COL23A1: variants seen among roughly 807,000 people sequenced by gnomAD.
COL23A1 encodes the protein collagen alpha-1(XXIII) chain.
A neutral mutation model predicts 99.3 loss-of-function variants in COL23A1; 97 were observed. The ratio of observed to expected loss-of-function variants is 0.98; its 90% CI spans 0.83 to 1.16. The LOEUF is 1.16. Ranked by LOEUF, COL23A1 falls within the 50% of genes most tolerant of loss-of-function variation. The pLI is 0.00. For synonymous variants in COL23A1, 320 were observed against 308.2 expected (o/e 1.04, Z -0.40); for missense variants, 762 against 757.4 (o/e 1.01, Z -0.07).
At chr5:178,514,364 T>C (rs561579186) in intron 2 of COL23A1, among the ~76,000 whole-genome samples, 1 of 152,356 alleles carries the variant, frequency 6.6e-6, no homozygotes, top group South Asian at 2.1e-4. Context: ...TGATTAGGGC[T>C]GCTGTGAACA....
intron 2 of COL23A1, among the ~76,000 whole-genome samples, chr5:178,324,929 C>T (rs539759828): frequency 8.5e-5 from 13 of 152,286 alleles, no homozygotes; most frequent in African/African-American, 2.2e-4. Flanking sequence ...GCAGCAAAGC[C>T]GAGCTTCTAC....
chr5:178,415,757 C>T lies in COL23A1; in HGVS notation c.362-108838G>A, dbSNP rs1379313952. On this transcript the variant is annotated intron_variant, in intron 2 of 28. Coordinates refer to ENST00000390654, the MANE Select transcript of COL23A1 (RefSeq NM_173465.4). This position sits in a 1 kb window ranked among gnomAD's most constrained non-coding sequence, Gnocchi z 4.6. The stretch of plus-strand genomic sequence containing the variant: ...CAGAAGAGTGAGCACGAGGTTCTTG[C>T]CCACAGAGAGCTCCCAGCCTAGCGG... Among the ~76,000 whole-genome samples, 1 of 152,166 alleles carries T rather than the reference C, an allele frequency of 6.6e-6. No individual in the cohort carries two copies. Among genetic ancestry groups the T allele is most frequent in the Non-Finnish European group, 1.5e-5 (1 of 68,022 alleles).
chr5:178,491,120 A>T (rs1757912232), intron 2 of COL23A1, among the ~76,000 whole-genome samples: 1 of 151,372 alleles, frequency 6.6e-6, no homozygotes, highest in South Asian at 2.1e-4. Flanking sequence ...GAGAGGAGAC[A>T]CGGAGGAGAG....
At chr5:178,397,442 T>A (rs902320726) in intron 2 of COL23A1, among the ~76,000 whole-genome samples, 1 of 152,158 alleles carries the variant, frequency 6.6e-6, no homozygotes, top group Non-Finnish European at 1.5e-5. Flanking sequence ...ATTCAGTAAC[T>A]GAGGCTTAAC....
At chr5:178,552,574 T>G (rs1466945320) in intron 2 of COL23A1, among the ~76,000 whole-genome samples, 1 of 152,054 alleles carries the variant, frequency 6.6e-6, no homozygotes, top group Non-Finnish European at 1.5e-5. Context: ...TTTCTTGCAT[T>G]GAAATCCTAT....
At chr5:178,413,496 ATTTAT>A (rs1243883515) in intron 2 of COL23A1, among the ~76,000 whole-genome samples, 2 of 152,212 alleles carry the variant, frequency 1.3e-5, no homozygotes, top group African/African-American at 4.8e-5. Context: ...ATTCTTTCCC[ATTTAT>A]TCTACTTCAG....
chr5:178,335,640 T>A (rs56366317), intron 2 of COL23A1, among the ~76,000 whole-genome samples: 3,837 of 152,300 alleles, frequency 0.025, 49 homozygotes, highest in South Asian at 0.051. Flanking sequence ...GCAGTTTCAG[T>A]ATCTCCCTAT....
rs747624286 is a variant in COL23A1 at position 178,394,271 on chromosome 5, C to CA, written c.362-87353dup. ...CAGGTTTAACCCATGCCCTGATGCT[C>CA]AGTCAGCCCAGAGGCTGGCACAGAA... On this transcript the variant is annotated intron_variant, in intron 2 of 28. Coordinates refer to ENST00000390654, the MANE Select transcript of COL23A1 (RefSeq NM_173465.4). 4.2e-4 allele frequency among the ~76,000 whole-genome samples: 64 copies of CA among 152,324 alleles called. 1 individual carries two copies. Among genetic ancestry groups the CA allele is most frequent in the Non-Finnish European group, 7.5e-4 (51 of 68,026 alleles).
intron 2 of COL23A1, among the ~76,000 whole-genome samples, chr5:178,491,828 G>A (rs183700278): frequency 1.2e-3 from 189 of 152,160 alleles, no homozygotes; most frequent in African/African-American, 4.4e-3. Flanking sequence ...TCCGCCTCCC[G>A]GGTTCAAGCA....
chr5:178,367,615 G>C (rs1762560008), intron 2 of COL23A1, among the ~76,000 whole-genome samples: 1 of 152,182 alleles, frequency 6.6e-6, no homozygotes, highest in South Asian at 2.1e-4. Context: ...GGCTGGGGGC[G>C]GGGTCAAACC....
chr5:178,584,739 G>A (rs1581685298), intron 1 of COL23A1, among the ~76,000 whole-genome samples: 1 of 152,268 alleles, frequency 6.6e-6, no homozygotes, highest in Non-Finnish European at 1.5e-5. Flanking sequence ...GGAAAGGCAG[G>A]ATAGTAGGGG....
At chr5:178,569,311 A>G (rs1762976960) in intron 1 of COL23A1, among the ~76,000 whole-genome samples, 1 of 152,190 alleles carries the variant, frequency 6.6e-6, no homozygotes, top group Non-Finnish European at 1.5e-5. Context: ...CTAATCAGAT[A>G]TAGGATTTGT....
chr5:178,370,758 G>C (rs1762756626), intron 2 of COL23A1, among the ~76,000 whole-genome samples: 1 of 152,016 alleles, frequency 6.6e-6, no homozygotes, highest in African/African-American at 2.4e-5. Flanking sequence ...TTGCTTAAAA[G>C]GAAAAAAATA....
At position 178,469,362 on chromosome 5, in the gene COL23A1, A is replaced by C. The variant is rs1353984776; in HGVS notation, c.361+91320T>G. Among the ~76,000 whole-genome samples the C allele has an allele frequency of 2.6e-5, 4 of 152,022 alleles. No homozygotes were observed. The East Asian group carries it at 7.7e-4, about 29-fold the overall frequency. On this transcript the variant is annotated intron_variant, in intron 2 of 28. Coordinates refer to ENST00000390654, the MANE Select transcript of COL23A1 (RefSeq NM_173465.4). ...GGCTCCTGCGGCTCCTCTCCCGTCC[A>C]TCCCTCCCTGGTCCCAGCCTGGCCT...
rs953165139 is a variant in COL23A1 at position 178,428,923 on chromosome 5, G to A, written c.362-122004C>T. ...TTGTTTCCAAGCCAGCTCCCTACCCGCACACAGACAGGCAGGCCCTCCGTG... is the reference window on the plus strand; with the variant it reads ...TTGTTTCCAAGCCAGCTCCCTACCCACACACAGACAGGCAGGCCCTCCGTG... On this transcript the variant is annotated intron_variant, in intron 2 of 28. Transcript: ENST00000390654. The surrounding 1 kb of genome is among the most constrained non-coding windows in gnomAD (Gnocchi z 5.0). Among the ~76,000 whole-genome samples the A allele has an allele frequency of 7.9e-5, 12 of 151,270 alleles. No homozygotes were observed. The highest frequency in any genetic ancestry group is 2.0e-4 in the Admixed American group (3 of 15,256).
chr5:178,255,437 C>T lies in COL23A1; in HGVS notation c.883-411G>A, dbSNP rs568095217. ...GCCTCCATTTCCCAGCCTCTGGGAGCGGCTGCACACGCCAAGCACCCACAC... is the reference window on the plus strand; with the variant it reads ...GCCTCCATTTCCCAGCCTCTGGGAGTGGCTGCACACGCCAAGCACCCACAC... On this transcript the variant is annotated intron_variant, in intron 15 of 28. Coordinates refer to ENST00000390654, the MANE Select transcript of COL23A1 (RefSeq NM_173465.4). The surrounding 1 kb of genome is among the most constrained non-coding windows in gnomAD (Gnocchi z 4.2). Among the ~76,000 whole-genome samples, 20 of 152,322 alleles carry T rather than the reference C, an allele frequency of 1.3e-4. No homozygotes were observed. The East Asian group carries it at 1.5e-3, about 12-fold the overall frequency.
At chr5:178,325,727 C>A (rs1221381789) in intron 2 of COL23A1, among the ~76,000 whole-genome samples, 1 of 152,236 alleles carries the variant, frequency 6.6e-6, no homozygotes, top group African/African-American at 2.4e-5. Flanking sequence ...CAGGCCCAGG[C>A]AGAATCCTGC....
At chr5:178,258,260 T>C (rs191259858) in intron 12 of COL23A1, among the ~76,000 whole-genome samples, 1,975 of 89,008 alleles carry the variant, frequency 0.022, 305 homozygotes, top group Middle Eastern at 0.044. Context: ...TATATATATA[T>C]ATACACATGC....
chr5:178,552,238 C>G (rs925746153), intron 2 of COL23A1, among the ~76,000 whole-genome samples: 3 of 152,154 alleles, frequency 2.0e-5, no homozygotes, highest in Admixed American at 1.3e-4. Flanking sequence ...GCAATTGCCT[C>G]TAAGAATCTT....
Sources: gnomAD v4.1 joint callset for allele counts (sites outside exome capture counted in the v4.1 genomes callset) on GRCh38, gnomAD v4.1.1 for gene constraint, Gnocchi (gnomAD v3.1) non-coding constraint, MANE v1.5 for transcripts, NCBI Gene and HGNC (gene_info 2026-07-23, HGNC 2026-07-21) for gene names.